Variants in LSM1 observed in about 807,000 individuals in gnomAD.
LSM1 encodes the protein LSM1 homolog, mRNA degradation associated.
In LSM1, 13 loss-of-function variants were observed where a neutral mutation model predicts 18.0. The observed-to-expected ratio is 0.72, with a 90% CI of 0.47 to 1.15. The LOEUF (loss-of-function observed/expected upper bound fraction) is 1.15. Ranked by LOEUF, LSM1 falls within the 50% of genes most tolerant of loss-of-function variation. The pLI, the probability that LSM1 is intolerant of heterozygous loss-of-function variation, is 0.00. For missense variants in LSM1, 152 were observed against 157.7 expected, an observed-to-expected ratio of 0.96 and a Z score of 0.19; for synonymous variants, 46 against 56.0, an observed-to-expected ratio of 0.82 and a Z score of 0.80.
chr8:38,166,114 A>G (rs930186275), intron 3 of LSM1: 1 of 152,206 alleles, frequency 6.6e-6, no homozygotes, highest in Admixed American at 6.6e-5. Context: ...TGCCAATGTG[A>G]GCACATTTTT....
At position 38,176,411 on chromosome 8, in the gene LSM1, G is replaced by T; in HGVS notation, c.-91C>A. The T allele has an allele frequency of 1.9e-6, 2 of 1,039,106 alleles. No individual in the cohort carries two copies. The highest frequency in any genetic ancestry group is 1.4e-5 in the South Asian group (1 of 71,464). The allele number at this position is 1,039,106 out of a possible 1,614,324, so 64.4% of individuals were successfully genotyped here. On this transcript the variant is annotated 5_prime_UTR_variant, in exon 1 of 4. Coordinates refer to ENST00000311351, the MANE Select transcript of LSM1 (RefSeq NM_014462.3). ...CCTACCGCAGTCGCCGCCTCGGTGG[G>T]ACCAAGCCCGGAATCCCGACCGAGA...
intron 3 of LSM1, among the ~76,000 whole-genome samples, chr8:38,164,834 A>G (rs1048229610): frequency 6.6e-5 from 10 of 152,086 alleles, no homozygotes; most frequent in African/African-American, 2.4e-4. Flanking sequence ...ACCGTCTCAA[A>G]AAAAGTAAAA....
intron 3 of LSM1, among the ~76,000 whole-genome samples, chr8:38,164,065 T>C (rs540512278): frequency 1.3e-5 from 2 of 152,276 alleles, no homozygotes; most frequent in South Asian, 2.1e-4. Flanking sequence ...AGTATATGTA[T>C]ATATTTTTCA....
intron 3 of LSM1, among the ~76,000 whole-genome samples, chr8:38,164,141 A>G (rs1585636506): frequency 2.0e-5 from 3 of 151,944 alleles, no homozygotes; most frequent in African/African-American, 7.3e-5. Context: ...TGCAACCTCT[A>G]CCTCCTGGGT....
intron 2 of LSM1, among the ~76,000 whole-genome samples, 183 bp downstream of exon 2, chr8:38,171,782 T>C (rs544535474): frequency 1.4e-4 from 21 of 152,360 alleles, no homozygotes; most frequent in Non-Finnish European, 2.5e-4. Context: ...CTTGGAAATA[T>C]ATATAAGCTT....
chr8:38,176,575 G>A, upstream of LSM1: 1 of 571,634 alleles, frequency 1.7e-6, no homozygotes, highest in South Asian at 2.4e-5. Context: ...CCCTTTCCCT[G>A]TTCCTGTTAA....
At chr8:38,172,829 T>C (rs1803053695) in intron 1 of LSM1, among the ~76,000 whole-genome samples, 1 of 152,188 alleles carries the variant, frequency 6.6e-6, no homozygotes, top group African/African-American at 2.4e-5. Flanking sequence ...TGAAGACTAA[T>C]AATAAGCTAG....
At chr8:38,168,793 A>G (rs1802980383) in intron 3 of LSM1, among the ~76,000 whole-genome samples, 1 of 151,992 alleles carries the variant, frequency 6.6e-6, no homozygotes, top group South Asian at 2.1e-4. Flanking sequence ...CATATATTTC[A>G]TATACTTCAT....
chr8:38,167,751 C>G (rs1452143486), intron 3 of LSM1, among the ~76,000 whole-genome samples: 1 of 152,018 alleles, frequency 6.6e-6, no homozygotes, highest in Middle Eastern at 3.2e-3. Context: ...GGGTCAGCTC[C>G]CCTATATACT....
intron 2 of LSM1, among the ~76,000 whole-genome samples, 171 bp from the exon 3 acceptor site, chr8:38,170,088 C>A (rs1018847008): frequency 2.6e-5 from 4 of 152,206 alleles, no homozygotes; most frequent in African/African-American, 9.6e-5. Flanking sequence ...GTCACCCAGG[C>A]TGGACTGCAG....
intron 1 of LSM1, chr8:38,175,981 C>A (rs1803129605): frequency 6.0e-6 from 2 of 331,910 alleles, no homozygotes; most frequent in African/African-American, 2.2e-5. Context: ...GGGCTTCTTT[C>A]GTGTTCGGGC....
Position 38,176,413 on chromosome 8 carries a change from C to G in LSM1, c.-93G>C. The G allele has an allele frequency of 9.8e-7, 1 of 1,024,692 alleles. No homozygotes were observed. Among genetic ancestry groups the G allele is most frequent in the South Asian group, 1.4e-5 (1 of 71,116 alleles). 63.5% of individuals were successfully genotyped at this position (1,024,692 alleles called of 1,614,324 possible). A position where few individuals can be genotyped will look rare whatever the true frequency, so the allele number is the denominator to read the frequency against. Reference sequence around the variant, plus strand: ...TACCGCAGTCGCCGCCTCGGTGGGACCAAGCCCGGAATCCCGACCGAGACC... The same window carrying G: ...TACCGCAGTCGCCGCCTCGGTGGGAGCAAGCCCGGAATCCCGACCGAGACC... On this transcript the variant is annotated 5_prime_UTR_variant, in exon 1 of 4. Transcript: ENST00000311351.
chr8:38,170,041 TTTTA>T (rs1157038115), intron 2 of LSM1, 124 bp from the exon 3 acceptor site: 8 of 549,482 alleles, frequency 1.5e-5, no homozygotes, highest in East Asian at 6.5e-5. Context: ...TTCTAATTAT[TTTTA>T]TTTATTTATT....
intron 1 of LSM1, among the ~76,000 whole-genome samples, chr8:38,174,841 G>A (rs1279714326): frequency 6.6e-6 from 1 of 151,864 alleles, no homozygotes; most frequent in African/African-American, 2.4e-5. Flanking sequence ...TGCCCAGCAT[G>A]GCGAAACCTC....
chr8:38,165,991 CA>C (rs1802922119), intron 3 of LSM1: 1 of 152,308 alleles, frequency 6.6e-6, no homozygotes, highest in East Asian at 1.9e-4. Context: ...GTTTTATAAA[CA>C]TTTTTCATTA....
chr8:38,164,787 G>A (rs560333559), intron 3 of LSM1, among the ~76,000 whole-genome samples: 1 of 152,188 alleles, frequency 6.6e-6, no homozygotes, highest in Admixed American at 6.5e-5. Context: ...AGTGAGCCAT[G>A]AATGTGTCAC....
At chr8:38,175,130 G>C (rs564060586) in intron 1 of LSM1, among the ~76,000 whole-genome samples, 10 of 148,968 alleles carry the variant, frequency 6.7e-5, no homozygotes, top group South Asian at 4.3e-4. Context: ...GCTCAGGCTG[G>C]AGTGCAATGG....
intron 1 of LSM1, 47 bp from the exon 2 acceptor site, chr8:38,172,080 G>A: frequency 7.6e-7 from 1 of 1,308,630 alleles, no homozygotes; most frequent in African/African-American, 1.5e-5. Context: ...GACAAGTTCA[G>A]CGAGTATTTA....
At chr8:38,175,345 G>A (rs1359280454) in intron 1 of LSM1, among the ~76,000 whole-genome samples, 1 of 152,138 alleles carries the variant, frequency 6.6e-6, no homozygotes, top group Non-Finnish European at 1.5e-5. Context: ...TGGGATTACA[G>A]GCGTGAGCCA....
Sources: gnomAD v4.1 joint callset for allele counts (sites outside exome capture counted in the v4.1 genomes callset) on GRCh38, gnomAD v4.1.1 for gene constraint, MANE v1.5 for transcripts, NCBI Gene and HGNC (gene_info 2026-07-23, HGNC 2026-07-21) for gene names.